BTC: variants seen among roughly 807,000 people sequenced by gnomAD.
The protein encoded by BTC is betacellulin.
BTC carries 13 observed loss-of-function variants against 18.1 expected under a neutral mutation model. That is an observed-to-expected ratio of 0.72 (90% CI 0.47 to 1.14). BTC has a LOEUF of 1.14. Ranked by LOEUF, BTC falls within the 50% of genes most tolerant of loss-of-function variation. The probability of loss-of-function intolerance (pLI) is 0.00; values close to 1 mark genes in which losing one functional copy is unlikely to be tolerated. For missense variants in BTC, 247 were observed against 224.2 expected (o/e 1.10, Z -0.65); for synonymous variants, 83 against 79.4 (o/e 1.05, Z -0.24).
chr4:74,777,767 T>G (rs1182288443), intron 1 of BTC, among the ~76,000 whole-genome samples: 5 of 152,062 alleles, frequency 3.3e-5, no homozygotes, highest in African/African-American at 1.2e-4. Flanking sequence ...GTTGGTTGGT[T>G]AAATGATTCA....
intron 1 of BTC, among the ~76,000 whole-genome samples, chr4:74,784,246 A>AAG (rs566118797): frequency 2.6e-3 from 396 of 151,650 alleles, no homozygotes; most frequent in African/African-American, 8.9e-3. Flanking sequence ...AAAAAAAAAA[A>AAG]AAAGAAAAAA....
intron 2 of BTC, among the ~76,000 whole-genome samples, chr4:74,765,809 G>T (rs577116554): frequency 6.6e-6 from 1 of 152,168 alleles, no homozygotes; most frequent in East Asian, 1.9e-4. Context: ...AACCTTGTAG[G>T]CCAGAAAGGA....
chr4:74,787,906 A>G (rs1283907259), intron 1 of BTC, among the ~76,000 whole-genome samples: 2 of 152,178 alleles, frequency 1.3e-5, no homozygotes, highest in South Asian at 2.1e-4. Flanking sequence ...ACAGGGAAAA[A>G]GAATCATGAA....
chr4:74,792,705 C>T (rs1459341805), intron 1 of BTC, among the ~76,000 whole-genome samples: 1 of 152,256 alleles, frequency 6.6e-6, no homozygotes, highest in African/African-American at 2.4e-5. Flanking sequence ...CAACCCTTTA[C>T]TAAATGCTTT....
At chr4:74,756,607 A>G (rs1553956726) in intron 2 of BTC, among the ~76,000 whole-genome samples, 3 of 152,208 alleles carry the variant, frequency 2.0e-5, no homozygotes, top group African/African-American at 7.2e-5. Flanking sequence ...TGACTGCCAC[A>G]TACACTCTGG....
At chr4:74,767,247 T>C (rs939861915) in intron 2 of BTC, among the ~76,000 whole-genome samples, 1 of 151,772 alleles carries the variant, frequency 6.6e-6, no homozygotes, top group Non-Finnish European at 1.5e-5. Flanking sequence ...AGTTGTAGGA[T>C]ACAAAATCAA....
At chr4:74,748,514 C>T (rs62316278) in intron 4 of BTC, among the ~76,000 whole-genome samples, 37,218 of 151,288 alleles carry the variant, frequency 0.25, 4,774 homozygotes, top group Middle Eastern at 0.28. Flanking sequence ...CCAGCCTGGG[C>T]GACAGAGTGA....
chr4:74,754,037 C>G (rs1213076063), intron 3 of BTC, among the ~76,000 whole-genome samples: 1 of 152,166 alleles, frequency 6.6e-6, no homozygotes, highest in African/African-American at 2.4e-5. Context: ...AACTGAGGCT[C>G]AGAAAAGGTA....
At chr4:74,750,460 T>G in intron 4 of BTC, 113 bp downstream of exon 4, 2 of 1,129,142 alleles carry the variant, frequency 1.8e-6, no homozygotes, top group South Asian at 1.8e-5. Flanking sequence ...AAAAGTAAAT[T>G]TATTTGAATC....
intron 1 of BTC, among the ~76,000 whole-genome samples, chr4:74,786,928 C>T (rs60932020): frequency 0.18 from 26,839 of 151,854 alleles, 3,913 homozygotes; most frequent in African/African-American, 0.41. Flanking sequence ...CTACCACATC[C>T]CTGAATCTGG....
Position 74,745,953 on chromosome 4 carries a change from G to C in BTC, c.*724C>G, listed in dbSNP as rs1435799851. 6.6e-6 allele frequency: 1 copy of C among 152,180 alleles called. No homozygotes were observed. The highest frequency in any genetic ancestry group is 6.5e-5 in the Admixed American group (1 of 15,282). 9.4% of individuals were successfully genotyped at this position (152,180 alleles called of 1,614,324 possible). A position where few individuals can be genotyped will look rare whatever the true frequency, so the allele number is the denominator to read the frequency against. ...TAAAAGCCAATTCTATAGAAAGCAT[G>C]ATGGTAACAGCAATATAGGCCAGGA... On this transcript the variant is annotated 3_prime_UTR_variant, in exon 6 of 6. Transcript: ENST00000395743.
chr4:74,749,712 T>G (rs1207240956), intron 4 of BTC, among the ~76,000 whole-genome samples: 1 of 128,026 alleles, frequency 7.8e-6, no homozygotes, highest in Non-Finnish European at 1.7e-5. Context: ...TGTTGTTGTT[T>G]TTGGTAGCAT....
chr4:74,776,132 A>G (rs1241837946), intron 1 of BTC, among the ~76,000 whole-genome samples: 1 of 151,456 alleles, frequency 6.6e-6, no homozygotes, highest in Non-Finnish European at 1.5e-5. Flanking sequence ...CAATATATTT[A>G]TGGTTTCTTT....
At chr4:74,749,432 A>C (rs928164362) in intron 4 of BTC, among the ~76,000 whole-genome samples, 2 of 146,838 alleles carry the variant, frequency 1.4e-5, no homozygotes, top group East Asian at 3.9e-4. Context: ...GCAGTGAGCC[A>C]AGATCACGCC....
chr4:74,766,881 T>C (rs1225829890), intron 2 of BTC, among the ~76,000 whole-genome samples: 1 of 151,996 alleles, frequency 6.6e-6, no homozygotes, highest in African/African-American at 2.4e-5. Context: ...CAACACCTTT[T>C]CATAATAACT....
chr4:74,754,873 A>G (rs1446426983), intron 3 of BTC, among the ~76,000 whole-genome samples: 2 of 151,976 alleles, frequency 1.3e-5, no homozygotes, highest in African/African-American at 4.8e-5. Flanking sequence ...TTAAAATTCA[A>G]TATGTGCTTC....
At chr4:74,766,657 C>CA (rs1278815819) in intron 2 of BTC, among the ~76,000 whole-genome samples, 2 of 152,128 alleles carry the variant, frequency 1.3e-5, no homozygotes, top group East Asian at 3.9e-4. Flanking sequence ...CAGATGCCTC[C>CA]ACTAGTGAAT....
intron 2 of BTC, among the ~76,000 whole-genome samples, chr4:74,762,090 A>G (rs367959086): frequency 1.3e-5 from 2 of 152,218 alleles, no homozygotes; most frequent in African/African-American, 4.8e-5. Flanking sequence ...TTAGAAAATG[A>G]TACAGTCAGT....
chr4:74,789,934 T>C (rs1026614353), intron 1 of BTC, among the ~76,000 whole-genome samples: 4 of 152,228 alleles, frequency 2.6e-5, no homozygotes, highest in Non-Finnish European at 5.9e-5. Context: ...CTTCATTGCA[T>C]GAAATTAGGA....
Sources: allele counts gnomAD v4.1 joint callset (sites outside exome capture counted in the v4.1 genomes callset), GRCh38; gene constraint gnomAD v4.1.1; transcripts MANE v1.5; gene names NCBI Gene and HGNC (gene_info 2026-07-23, HGNC 2026-07-21).